Variants in EYS observed in about 807,000 individuals in gnomAD.
EYS encodes protein eyes shut homolog.
EYS carries 250 observed loss-of-function variants against 282.1 expected under a neutral mutation model. The ratio of observed to expected loss-of-function variants is 0.89; its 90% confidence interval spans 0.80 to 0.98. The LOEUF is 0.98. EYS is among the 50% of genes least tolerant of loss of function. The probability of loss-of-function intolerance (pLI) is 0.00; values close to 1 mark genes in which losing one functional copy is unlikely to be tolerated. For synonymous variants in EYS, 1,355 were observed against 1,282.9 expected (o/e 1.06, Z -1.20); for missense variants, 4,016 against 3,709.0 (o/e 1.08, Z -2.15).
At chr6:65,228,576 C>T (rs1292685177) in intron 12 of EYS, among the ~76,000 whole-genome samples, 1 of 152,008 alleles carries the variant, frequency 6.6e-6, no homozygotes, top group Admixed American at 6.6e-5. Context: ...GAAAACCCTA[C>T]CATTTGAATC....
At chr6:63,763,970 A>C (rs1582184020) in intron 40 of EYS, among the ~76,000 whole-genome samples, 1 of 139,582 alleles carries the variant, frequency 7.2e-6, no homozygotes, top group Non-Finnish European at 1.6e-5. Flanking sequence ...TCCCTCCCTC[A>C]CTCCCTGCCT....
chr6:64,066,498 GA>G lies in EYS; in HGVS notation c.6572-8del, dbSNP rs1370853057. The G allele has an allele frequency of 5.5e-6, 8 of 1,464,142 alleles. No individual in the cohort carries two copies. The highest frequency in any genetic ancestry group is 2.5e-5 in the East Asian group (1 of 40,354). The allele number at this position is 1,464,142 out of a possible 1,614,324, so 90.7% of individuals were successfully genotyped here. A position where few individuals can be genotyped will look rare whatever the true frequency, so the allele number is the denominator to read the frequency against. The stretch of plus-strand genomic sequence containing the variant: ...CCACAATTATTCCCATTACCTTTAA[GA>G]AAAAAAGAATATATTAGTAATTATT... On this transcript the variant is annotated splice_region_variant and splice_polypyrimidine_tract_variant and intron_variant, in intron 32 of 42. Coordinates refer to ENST00000503581, the MANE Select transcript of EYS (RefSeq NM_001142800.2).
At chr6:65,107,235 T>G (rs939281645) in intron 12 of EYS, among the ~76,000 whole-genome samples, 9 of 151,866 alleles carry the variant, frequency 5.9e-5, no homozygotes, top group African/African-American at 2.2e-4. Context: ...AAAATACATT[T>G]CCTTGGGAGT....
At chr6:65,332,286 TA>T (rs1251429424) in intron 11 of EYS, 2 of 701,866 alleles carry the variant, frequency 2.8e-6, no homozygotes, top group Non-Finnish European at 5.3e-6. Context: ...ATTGATACAT[TA>T]AATTACATTA....
intron 2 of EYS, among the ~76,000 whole-genome samples, chr6:65,589,166 T>C (rs1354643642): frequency 6.6e-6 from 1 of 152,014 alleles, no homozygotes; most frequent in Non-Finnish European, 1.5e-5. Context: ...TCACTATCCC[T>C]GAATGGAAAC....
chr6:64,868,873 G>A (rs1272391532), intron 19 of EYS, among the ~76,000 whole-genome samples: 2 of 151,306 alleles, frequency 1.3e-5, no homozygotes, highest in African/African-American at 2.4e-5. Flanking sequence ...TACTACAAAC[G>A]GACTTGCACG....
chr6:65,278,145 G>C (rs1277093636), intron 12 of EYS, among the ~76,000 whole-genome samples: 1 of 145,726 alleles, frequency 6.9e-6, no homozygotes, highest in African/African-American at 2.5e-5. Flanking sequence ...AGCTTTGGCT[G>C]TCTTGGATCT....
At chr6:64,940,459 T>C (rs916001431) in intron 15 of EYS, among the ~76,000 whole-genome samples, 4 of 152,052 alleles carry the variant, frequency 2.6e-5, no homozygotes, top group Non-Finnish European at 4.4e-5. Flanking sequence ...AGGTTATAAT[T>C]AATTAATGTA....
chr6:64,722,295 A>C (rs561347713), intron 22 of EYS, among the ~76,000 whole-genome samples: 21 of 152,238 alleles, frequency 1.4e-4, no homozygotes, highest in African/African-American at 4.6e-4. Flanking sequence ...CAGTTCAGAA[A>C]TCAGAATCCT....
At chr6:64,545,762 C>T (rs978254518) in intron 26 of EYS, among the ~76,000 whole-genome samples, 11 of 152,092 alleles carry the variant, frequency 7.2e-5, no homozygotes, top group African/African-American at 2.4e-4. Context: ...GAGTGAACTC[C>T]CATTCACAAT....
chr6:65,528,060 T>C (rs1363930592), intron 2 of EYS, among the ~76,000 whole-genome samples: 1 of 152,176 alleles, frequency 6.6e-6, no homozygotes, highest in East Asian at 1.9e-4. Flanking sequence ...ATACTTTCAG[T>C]GTTGAGAAAC....
chr6:65,274,909 G>GGAGAGA (rs3042964), intron 12 of EYS, among the ~76,000 whole-genome samples: 6,841 of 148,478 alleles, frequency 0.046, 200 homozygotes, highest in South Asian at 0.087. Context: ...CAAAAAAAAA[G>GGAGAGA]GAGAGAGAGA....
At chr6:65,706,108 T>A (rs575725089) in intron 1 of EYS, among the ~76,000 whole-genome samples, 1 of 151,836 alleles carries the variant, frequency 6.6e-6, no homozygotes, top group East Asian at 1.9e-4. Flanking sequence ...ATTCATTTCA[T>A]ATGTATTTTA....
chr6:65,620,936 G>C (rs1443629899), intron 2 of EYS, among the ~76,000 whole-genome samples: 1 of 152,136 alleles, frequency 6.6e-6, no homozygotes, highest in East Asian at 1.9e-4. Context: ...TATCATTTCT[G>C]TTCTTTTACA....
rs1769482496 is a variant in EYS at position 64,307,099 on chromosome 6, G to C, written c.6079-17C>G. ...TACAGGCATCTGAGAGAGAGAGAGA[G>C]AGAGAGAAGTAGAGATAATTTAAAT... On this transcript the variant is annotated splice_polypyrimidine_tract_variant and intron_variant, in intron 29 of 42. Transcript: ENST00000503581. 3.5e-6 allele frequency: 4 copies of C among 1,146,652 alleles called. No individual in the cohort carries two copies. Among genetic ancestry groups the C allele is most frequent in the East Asian group, 2.6e-5 (1 of 38,862 alleles). The allele number at this position is 1,146,652 out of a possible 1,614,324, so 71.0% of individuals were successfully genotyped here. A position where few individuals can be genotyped will look rare whatever the true frequency, so the allele number is the denominator to read the frequency against.
At chr6:63,906,301 A>G (rs181102616) in intron 35 of EYS, among the ~76,000 whole-genome samples, 1 of 152,322 alleles carries the variant, frequency 6.6e-6, no homozygotes. Context: ...AAGACATTTT[A>G]TGTTTTATCT....
intron 41 of EYS, among the ~76,000 whole-genome samples, chr6:63,752,482 ATTGT>A (rs1769361907): frequency 1.4e-5 from 2 of 146,204 alleles, no homozygotes; most frequent in East Asian, 4.0e-4. Context: ...AGATAACATA[ATTGT>A]TTAATTTCTT....
chr6:63,938,465 C>A (rs144139556), intron 35 of EYS, among the ~76,000 whole-genome samples: 1 of 152,188 alleles, frequency 6.6e-6, no homozygotes, highest in African/African-American at 2.4e-5. Context: ...ATTGGTCAGT[C>A]TGATCTACCA....
chr6:63,859,111 T>TTTTTTTTTTA lies in EYS; in HGVS notation c.7228+5074_7228+5075insTAAAAAAAAA, dbSNP rs796999871. On this transcript the variant is annotated intron_variant, in intron 36 of 42. Coordinates refer to ENST00000503581, the MANE Select transcript of EYS (RefSeq NM_001142800.2). The stretch of plus-strand genomic sequence containing the variant: ...TTTTTTTTTTTTTTTTTTTTTTTTT[T>TTTTTTTTTTA]AATAGCTGGGATGGAGATGCAGCCT... Among the ~76,000 whole-genome samples, 182 of 71,204 alleles carry TTTTTTTTTTA rather than the reference T, an allele frequency of 2.6e-3. 67 individuals carry two copies. Among genetic ancestry groups the TTTTTTTTTTA allele is most frequent in the African/African-American group, 0.01 (165 of 15,790 alleles). 46.7% of individuals were successfully genotyped at this position (71,204 alleles called of 152,430 possible). A position where few individuals can be genotyped will look rare whatever the true frequency, so the allele number is the denominator to read the frequency against.
Sources: allele counts gnomAD v4.1 joint callset (sites outside exome capture counted in the v4.1 genomes callset), GRCh38; gene constraint gnomAD v4.1.1; transcripts MANE v1.5; gene names NCBI Gene and HGNC (gene_info 2026-07-23, HGNC 2026-07-21).